COG8: variants seen among roughly 807,000 people sequenced by gnomAD.
COG8 encodes the protein component of oligomeric golgi complex 8.
A neutral mutation model predicts 46.5 loss-of-function variants in COG8; 45 were observed. That is an observed-to-expected ratio of 0.97 (90% CI 0.76 to 1.24). COG8 has a LOEUF of 1.24. Ranked by LOEUF, COG8 falls within the 50% of genes most tolerant of loss-of-function variation. The probability of loss-of-function intolerance (pLI) is 0.00; values close to 1 mark genes in which losing one functional copy is unlikely to be tolerated. For synonymous variants in COG8, 407 were observed against 347.8 expected (o/e 1.17, Z -1.90); for missense variants, 793 against 820.8 (o/e 0.97, Z 0.41).
chr16:69,328,960 C>G lies in COG8; in HGVS notation c.*246G>C. On this transcript the variant is annotated 3_prime_UTR_variant, in exon 6 of 6. Coordinates refer to ENST00000306875, the MANE Select transcript of COG8 (RefSeq NM_032382.5). ...AAGTTGATGCCAAGTAAGATTTGCC[C>G]AGCTCAAAGTGAAAGTGTTTGCGTC... The G allele has an allele frequency of 1.3e-6, 2 of 1,561,344 alleles. No homozygotes were observed. Among genetic ancestry groups the G allele is most frequent in the Non-Finnish European group, 1.7e-6 (2 of 1,164,416 alleles).
In COG8 at chr16:69,329,158, T is replaced by C. The variant is rs1567428330; in HGVS notation, c.*48A>G. ...CCACCCGCTCGCCTGCCACACCACC[T>C]GTTCTCCATTGGGGTCCAGCCCTGC... On this transcript the variant is annotated 3_prime_UTR_variant, in exon 6 of 6. Coordinates refer to ENST00000306875, the MANE Select transcript of COG8 (RefSeq NM_032382.5). 3 of 1,606,788 alleles carry C rather than the reference T, an allele frequency of 1.9e-6. No homozygotes were observed. Among genetic ancestry groups the C allele is most frequent in the Non-Finnish European group, 2.5e-6 (3 of 1,178,342 alleles).
chr16:69,334,930 T>G lies in COG8; in HGVS notation c.1004A>C (p.Tyr335Ser), dbSNP rs760218859. Residue 335 changes from tyrosine to serine, a missense_variant, in exon 3 of 6, where the codon TAC becomes TCC. By Grantham distance (144) the Tyr-to-Ser change is moderately radical (BLOSUM62 -2). Coordinates refer to ENST00000306875, the MANE Select transcript of COG8 (RefSeq NM_032382.5). The stretch of plus-strand genomic sequence containing the variant: ...GTCCAGGTGGCCGCCTATGCCCCGG[T>G]AAAGGTCGGTCTCCAGCACCTGCAG... The part of the protein sequence containing the change: ...QFLQVLETDL[Y>S]RGIGGHLDSL... 6.2e-7 allele frequency: 1 copy of G among 1,613,878 alleles called. No homozygotes were observed. Among genetic ancestry groups the G allele is most frequent in the African/African-American group, 1.3e-5 (1 of 74,860 alleles).
At chr16:69,331,839 G>C (rs1299839501) in intron 4 of COG8, among the ~76,000 whole-genome samples, 2 of 152,124 alleles carry the variant, frequency 1.3e-5, no homozygotes, top group African/African-American at 4.8e-5. Context: ...AACCACCTTT[G>C]TTACAGGGAA....
Position 69,336,638 on chromosome 16 carries a change from T to C in COG8, c.452A>G (p.Glu151Gly). 1 of 1,614,148 alleles carries C rather than the reference T, an allele frequency of 6.2e-7. No homozygotes were observed. The change falls in exon 2 of 6, where the codon GAA becomes GGA. Residue 151 changes from glutamate (E) to glycine (G), a missense_variant. By Grantham distance (98) the Glu-to-Gly change is moderately conservative. Transcript: ENST00000306875. The part of the protein sequence containing the change: ...MNSLTLNRHT[E>G]ILEILEIPQL... ...AGGAATCTCCAGTATTTCCAAAATT[T>C]CTGTGTGCCGGTTTAGGGTCAGGCT...
chr16:69,329,012 T>G lies in COG8; in HGVS notation c.*194A>C. On this transcript the variant is annotated 3_prime_UTR_variant, in exon 6 of 6. Transcript: ENST00000306875. ...TGGTATCCGGAATCCTCAGCCCCAG[T>G]AGCAAAGCTTTAGTCATTCACCTTC... 1 of 1,602,636 alleles carries G rather than the reference T, an allele frequency of 6.2e-7. No homozygotes were observed. The highest frequency in any genetic ancestry group is 8.5e-7 in the Non-Finnish European group (1 of 1,176,790).
chr16:69,329,974 G>A (rs1249384845), intron 5 of COG8: 16 of 1,513,550 alleles, frequency 1.1e-5, no homozygotes, highest in African/African-American at 1.0e-4. Context: ...TGCTCCAGCA[G>A]CCCCGGTCCC....
At chr16:69,331,886 A>G (rs2011882452) in intron 4 of COG8, among the ~76,000 whole-genome samples, 1 of 152,212 alleles carries the variant, frequency 6.6e-6, no homozygotes, top group Admixed American at 6.5e-5. Flanking sequence ...GTAACGGAAC[A>G]GCAGTGTAGG....
In COG8 at chr16:69,338,987, C is replaced by T. The variant is rs553770711; in HGVS notation, c.377+189G>A. 13 of 795,856 alleles carry T rather than the reference C, an allele frequency of 1.6e-5. No homozygotes were observed. The Admixed American group carries it at 1.7e-4, about 10-fold the overall frequency. The allele number at this position is 795,856 out of a possible 1,614,324, so 49.3% of individuals were successfully genotyped here. ...CCAGCCTGGCGACAGGGCGAGACTC[C>T]GTCTCAAAAAAGATAAAAAAGGAAT... On this transcript the variant is annotated intron_variant, in intron 1 of 5. Coordinates refer to ENST00000306875, the MANE Select transcript of COG8 (RefSeq NM_032382.5).
In COG8 at chr16:69,336,476, T is replaced by C. The variant is rs769741603; in HGVS notation, c.585+29A>G. 8 of 1,602,216 alleles carry C rather than the reference T, an allele frequency of 5.0e-6. No individual in the cohort carries two copies. Among genetic ancestry groups the C allele is most frequent in the African/African-American group, 1.3e-5 (1 of 74,664 alleles). On this transcript the variant is annotated intron_variant, in intron 2 of 5. Transcript: ENST00000306875. ...GAATAAATGATTACAAGAACATTAC[T>C]TTGAGTCCTCTCTGGGCAAGGTGGC...
At position 69,332,736 on chromosome 16, in the gene COG8, T is replaced by C; in HGVS notation, c.1560A>G (p.Pro520=). The change falls in exon 4 of 6, where the codon CCA becomes CCG. Residue 520 remains proline, a synonymous_variant. Coordinates refer to ENST00000306875, the MANE Select transcript of COG8 (RefSeq NM_032382.5). ...TACCTAAAGTCTGTGCTATCTGAGCTGGTGGAAAAAGGACTTGGAGACAGC... is the reference window on the plus strand; with the variant it reads ...TACCTAAAGTCTGTGCTATCTGAGCCGGTGGAAAAAGGACTTGGAGACAGC... ...LNRCLQVLFP[P]AQIAQTLGIP... 6.2e-7 allele frequency: 1 copy of C among 1,614,216 alleles called. No individual in the cohort carries two copies. The highest frequency in any genetic ancestry group is 8.5e-7 in the Non-Finnish European group (1 of 1,180,010).
chr16:69,332,156 T>C (rs912818720), intron 4 of COG8, among the ~76,000 whole-genome samples: 4 of 152,070 alleles, frequency 2.6e-5, no homozygotes, highest in Admixed American at 1.3e-4. Flanking sequence ...ATAGAGACCA[T>C]CCTGGCCAAC....
intron 1 of COG8, among the ~76,000 whole-genome samples, chr16:69,337,158 G>A (rs1360406412): frequency 6.6e-6 from 1 of 151,964 alleles, no homozygotes; most frequent in South Asian, 2.1e-4. Flanking sequence ...GTGCGCGCCT[G>A]TAGTCCCAGC....
In COG8 at chr16:69,328,917, G is replaced by C. The variant is rs1597218695; in HGVS notation, c.*289C>G. ...CCATGCCTTGGCAATCCAGTTTCCT[G>C]TCATATGCGAGCCATCCAAGTTGAT... On this transcript the variant is annotated 3_prime_UTR_variant, in exon 6 of 6. Transcript: ENST00000306875. 8 of 1,439,374 alleles carry C rather than the reference G, an allele frequency of 5.6e-6. No homozygotes were observed. In the East Asian group the frequency reaches 2.0e-4, roughly 36 times the overall value. The allele number at this position is 1,439,374 out of a possible 1,614,324, so 89.2% of individuals were successfully genotyped here.
rs577130537 is a variant in COG8, at chr16:69,330,619, G to C, written c.*26+194C>G. 1.4e-5 allele frequency: 19 copies of C among 1,406,330 alleles called. No individual in the cohort carries two copies. In the Admixed American group the frequency reaches 5.7e-4, roughly 42 times the overall value. 87.1% of individuals were successfully genotyped at this position (1,406,330 alleles called of 1,614,324 possible). On this transcript the variant is annotated intron_variant, in intron 5 of 5. Transcript: ENST00000306875. Reference sequence around the variant, plus strand: ...GGCCCGCCCCTTCCGGCCGCAGCGCGGGGCACGCCGGGAAGCGCCGTCGGC... The same window carrying C: ...GGCCCGCCCCTTCCGGCCGCAGCGCCGGGCACGCCGGGAAGCGCCGTCGGC...
Position 69,339,417 on chromosome 16 carries a change from C to A in COG8, c.136G>T (p.Val46Leu). The change falls in exon 1 of 6, where the codon GTG (valine) becomes TTG (leucine). Residue 46 changes from valine to leucine, a missense_variant. Transcript: ENST00000306875. ...PEAQWRERPD[V>L]GRYLRELSGS... Reference sequence around the variant, plus strand: ...CTCAACTCCCGGAGGTAGCGGCCCACATCGGGCCGCTCGCGCCACTGGGCC... The same window carrying A: ...CTCAACTCCCGGAGGTAGCGGCCCAAATCGGGCCGCTCGCGCCACTGGGCC... 1 of 1,583,378 alleles carries A rather than the reference C, an allele frequency of 6.3e-7. No individual in the cohort carries two copies.
intron 4 of COG8, 107 bp from the exon 5 acceptor site, chr16:69,331,202 C>G (rs2011803907): frequency 1.6e-6 from 2 of 1,243,198 alleles, no homozygotes; most frequent in Non-Finnish European, 1.1e-6. Flanking sequence ...AATCCCAGCA[C>G]TTTGGGAGGC....
chr16:69,330,646 A>C, intron 5 of COG8, 167 bp downstream of exon 5: 1 of 1,407,038 alleles, frequency 7.1e-7, no homozygotes, highest in Non-Finnish European at 9.2e-7. Context: ...GCCGTCGGCC[A>C]GCACACAGCG....
chr16:69,337,411 GAGAC>G (rs995352797), intron 1 of COG8, among the ~76,000 whole-genome samples: 22 of 151,958 alleles, frequency 1.4e-4, no homozygotes, highest in Non-Finnish European at 2.4e-4. Context: ...AATAGTAAAA[GAGAC>G]ACAGTTAAAT....
In COG8 at chr16:69,337,995, G is replaced by C. The variant is rs547565188; in HGVS notation, c.377+1181C>G. ...GATCCGCCTGCCTTGGCCTCTCAAA[G>C]TGCTGGGATTACAGGTGTGAGCCAC... On this transcript the variant is annotated intron_variant, in intron 1 of 5. Coordinates refer to ENST00000306875, the MANE Select transcript of COG8 (RefSeq NM_032382.5). Among the ~76,000 whole-genome samples, 3 of 152,256 alleles carry C rather than the reference G, an allele frequency of 2.0e-5. No individual in the cohort carries two copies. The East Asian group carries it at 5.8e-4, about 29-fold the overall frequency.
Sources: gnomAD v4.1 joint callset for allele counts (sites outside exome capture counted in the v4.1 genomes callset) on GRCh38, gnomAD v4.1.1 for gene constraint, MANE v1.5 for transcripts, NCBI Gene and HGNC (gene_info 2026-07-23, HGNC 2026-07-21) for gene names.